Variants in CDCA2 observed in about 807,000 individuals in gnomAD.
CDCA2 encodes the protein cell division cycle associated 2.
Under a neutral mutation model 67.0 loss-of-function variants are expected in CDCA2, and 44 were observed. The observed-to-expected ratio is 0.66, with a 90% confidence interval of 0.52 to 0.84. The LOEUF is 0.84. Ranked by LOEUF, CDCA2 falls within the 40% of genes least tolerant of loss-of-function variation. CDCA2 has a pLI of 0.00. For missense variants in CDCA2, 1,253 were observed against 1,203.2 expected (o/e 1.04, Z -0.61); for synonymous variants, 447 against 418.7 (o/e 1.07, Z -0.82).
chr8:25,480,026 A>T lies in CDCA2; in HGVS notation c.934A>T (p.Thr312Ser). 2 of 1,614,042 alleles carry T rather than the reference A, an allele frequency of 1.2e-6. No individual in the cohort carries two copies. Among genetic ancestry groups the T allele is most frequent in the Non-Finnish European group, 1.7e-6 (2 of 1,179,992 alleles). ...AGTCCCTGATGTCAGGTCACCAGCT[A>T]CTCCAGCCTGCAGGAGGGACCTTCC... ...DAVPDVRSPATPACRRDLPTP... is the reference protein window; with the variant it reads ...DAVPDVRSPASPACRRDLPTP... Residue 312 changes from threonine (T) to serine (S), a missense_variant, in exon 8 of 15, where the codon ACT becomes TCT. Thr to Ser is a moderately conservative substitution (Grantham distance 58). Transcript: ENST00000330560.
intron 4 of CDCA2, among the ~76,000 whole-genome samples, chr8:25,464,979 A>G (rs1702274857): frequency 6.6e-6 from 1 of 151,916 alleles, no homozygotes; most frequent in Non-Finnish European, 1.5e-5. Flanking sequence ...TGTGATATAT[A>G]TATATTTTTT....
intron 13 of CDCA2, among the ~76,000 whole-genome samples, chr8:25,500,190 G>C (rs1161162997): frequency 6.6e-6 from 1 of 150,944 alleles, no homozygotes; most frequent in East Asian, 1.9e-4. Context: ...AGTAGCCACT[G>C]TGTGCTTGGC....
In CDCA2 at chr8:25,507,615, T is replaced by G. The variant is rs1804738069; in HGVS notation, c.2949T>G (p.Leu983=). 10 of 1,614,190 alleles carry G rather than the reference T, an allele frequency of 6.2e-6. No homozygotes were observed. The highest frequency in any genetic ancestry group is 8.5e-6 in the Non-Finnish European group (10 of 1,180,024). ...GGAAGAGCTTTTGTATATCTACACT[T>G]GCAAATACTAAAGCCACTTCCCAGT... ...KRRKSFCIST[L]ANTKATSQFK... The change falls in exon 15 of 15, where the codon CTT becomes CTG. Residue 983 remains leucine (L), a synonymous_variant. Coordinates refer to ENST00000330560, the MANE Select transcript of CDCA2 (RefSeq NM_152562.4).
At chr8:25,471,772 T>C (rs757747092) in intron 7 of CDCA2, among the ~76,000 whole-genome samples, 15 of 152,206 alleles carry the variant, frequency 9.9e-5, no homozygotes, top group Non-Finnish European at 1.9e-4. Flanking sequence ...GTTGTCATCA[T>C]ACTAAACACC....
chr8:25,499,346 C>G (rs1160262645), intron 13 of CDCA2, among the ~76,000 whole-genome samples: 1 of 134,610 alleles, frequency 7.4e-6, no homozygotes, highest in Non-Finnish European at 1.5e-5. Context: ...TCTCTGTCAC[C>G]CAGGTGGAGT....
intron 12 of CDCA2, 79 bp from the exon 13 acceptor site, chr8:25,488,473 G>A (rs1803866702): frequency 1.5e-6 from 2 of 1,337,134 alleles, no homozygotes; most frequent in South Asian, 1.7e-5. Context: ...ATCCTGGGAA[G>A]CACAACAAGA....
intron 4 of CDCA2, among the ~76,000 whole-genome samples, chr8:25,464,865 T>C (rs1802837939): frequency 6.6e-6 from 1 of 152,210 alleles, no homozygotes; most frequent in Non-Finnish European, 1.5e-5. Flanking sequence ...AATGTTCTCA[T>C]TATGTAATAG....
At chr8:25,468,996 G>A (rs570448372) in intron 6 of CDCA2, among the ~76,000 whole-genome samples, 15 of 152,314 alleles carry the variant, frequency 9.8e-5, no homozygotes, top group African/African-American at 2.9e-4. Context: ...CTGTCAAGAC[G>A]ATCAAAAGGC....
intron 13 of CDCA2, among the ~76,000 whole-genome samples, chr8:25,489,064 T>C (rs1258379527): frequency 6.6e-6 from 1 of 152,172 alleles, no homozygotes; most frequent in Non-Finnish European, 1.5e-5. Context: ...TTCCAGTTGC[T>C]GAATCAAATT....
intron 7 of CDCA2, among the ~76,000 whole-genome samples, chr8:25,471,683 G>A (rs1198459042): frequency 6.6e-6 from 1 of 152,058 alleles, no homozygotes; most frequent in Non-Finnish European, 1.5e-5. Context: ...TTTTTGCTTT[G>A]CTCTTATGGG....
chr8:25,472,494 A>C (rs1262096253), intron 7 of CDCA2, among the ~76,000 whole-genome samples: 1 of 151,960 alleles, frequency 6.6e-6, no homozygotes, highest in East Asian at 1.9e-4. Flanking sequence ...CAGGTGACCC[A>C]CCTGCCTTGG....
chr8:25,483,337 T>A, intron 8 of CDCA2, 62 bp from the exon 9 acceptor site: 1 of 1,087,438 alleles, frequency 9.2e-7, no homozygotes, highest in Non-Finnish European at 1.3e-6. Context: ...ACTGCTGTTC[T>A]TAATGATGAC....
At chr8:25,467,487 G>T (rs1461805440) in intron 5 of CDCA2, among the ~76,000 whole-genome samples, 1 of 152,044 alleles carries the variant, frequency 6.6e-6, no homozygotes, top group Non-Finnish European at 1.5e-5. Flanking sequence ...TCTGCAGACA[G>T]TTCCTTTTTT....
In CDCA2 at chr8:25,503,448, A is replaced by T. The variant is rs767341035; in HGVS notation, c.1747A>T (p.Ile583Phe). 1.2e-6 allele frequency: 2 copies of T among 1,614,014 alleles called. No homozygotes were observed. The highest frequency in any genetic ancestry group is 1.7e-6 in the Non-Finnish European group (2 of 1,179,884). ...VQKSLYGERD[I>F]ASKKPLLSPI... ...GAAATCTTTATATGGGGAAAGAGACATTGCTTCTAAGAAGCCCCTCCTCAG... is the reference window on the plus strand; with the variant it reads ...GAAATCTTTATATGGGGAAAGAGACTTTGCTTCTAAGAAGCCCCTCCTCAG... Residue 583 changes from isoleucine (I) to phenylalanine (F), a missense_variant, in exon 14 of 15, where the codon ATT (isoleucine) becomes TTT (phenylalanine). Coordinates refer to ENST00000330560, the MANE Select transcript of CDCA2 (RefSeq NM_152562.4).
chr8:25,467,165 T>TC (rs201834278), intron 5 of CDCA2, among the ~76,000 whole-genome samples: 1 of 150,438 alleles, frequency 6.6e-6, no homozygotes, highest in African/African-American at 2.4e-5. Context: ...CTTTTTTTTT[T>TC]CCCCCCCAAT....
Position 25,460,417 on chromosome 8 carries a change from T to C in CDCA2, c.95T>C (p.Ile32Thr), listed in dbSNP as rs200903987. ...TCTTTCATTTTGGGAACTGGGAAGA[T>C]TGTGACTCCTCAGAAGCATGCCGAA... ...NASFILGTGK[I>T]VTPQKHAELP... The change falls in exon 3 of 15, where the codon ATT becomes ACT. Residue 32 changes from isoleucine to threonine, a missense_variant. Coordinates refer to ENST00000330560, the MANE Select transcript of CDCA2 (RefSeq NM_152562.4). The C allele has an allele frequency of 9.3e-6, 15 of 1,614,166 alleles. No individual in the cohort carries two copies. Among genetic ancestry groups the C allele is most frequent in the African/African-American group, 4.0e-5 (3 of 75,038 alleles).
intron 13 of CDCA2, among the ~76,000 whole-genome samples, chr8:25,498,453 A>AGCCCCCCC (rs1804327156): frequency 1.3e-5 from 1 of 76,612 alleles, no homozygotes; most frequent in African/African-American, 4.4e-5. Flanking sequence ...GGTAATCTGC[A>AGCCCCCCC]CCCCCCCCCC....
intron 3 of CDCA2, among the ~76,000 whole-genome samples, 181 bp from the exon 4 acceptor site, chr8:25,461,873 G>A (rs998017440): frequency 1.3e-5 from 2 of 152,208 alleles, no homozygotes; most frequent in Non-Finnish European, 2.9e-5. Flanking sequence ...TAAGTCAGCA[G>A]ACAAAAAGAT....
intron 5 of CDCA2, among the ~76,000 whole-genome samples, chr8:25,467,438 T>C (rs1365770808): frequency 6.6e-6 from 1 of 152,142 alleles, no homozygotes; most frequent in Non-Finnish European, 1.5e-5. Context: ...TTGTTTCAGT[T>C]TTTTCCTGGG....
Sources: gnomAD v4.1 joint callset for allele counts (sites outside exome capture counted in the v4.1 genomes callset) on GRCh38, gnomAD v4.1.1 for gene constraint, MANE v1.5 for transcripts, NCBI Gene and HGNC (gene_info 2026-07-23, HGNC 2026-07-21) for gene names.